The following SRP68 variants were observed in gnomAD, a reference collection of about 807,000 sequenced individuals.
SRP68 encodes the protein signal recognition particle 68.
In SRP68, 15 loss-of-function variants were observed where a neutral mutation model predicts 82.2. That is an observed-to-expected ratio of 0.18 (90% CI 0.12 to 0.28). The LOEUF is 0.28. SRP68 is among the 10% of genes least tolerant of loss of function. SRP68 has a pLI of 1.00. For missense variants in SRP68, 595 were observed against 780.5 expected, an observed-to-expected ratio of 0.76 and a Z score of 2.83; for synonymous variants, 261 against 292.6, an observed-to-expected ratio of 0.89 and a Z score of 1.10.
At position 76,060,338 on chromosome 17, in the gene SRP68, G is replaced by A. The variant is rs1394174345; in HGVS notation, c.807C>T (p.Gly269=). 1 of 1,609,824 alleles carries A rather than the reference G, an allele frequency of 6.2e-7. No homozygotes were observed. The highest frequency in any genetic ancestry group is 2.2e-5 in the East Asian group (1 of 44,758). ...ATTTTTCAGCCAAGAGACCCTCAGT[G>A]CCCCCAGACCTCAATCTCATCTGCA... The part of the protein sequence containing the change: ...ELMQMRLRSG[G]TEGLLAEKLE... The change falls in exon 7 of 16, where the codon GGC becomes GGT. Residue 269 remains glycine (G), a synonymous_variant. Transcript: ENST00000307877.
At chr17:76,061,046 G>A (rs905707880) in intron 6 of SRP68, 64 bp downstream of exon 6, 1 of 971,668 alleles carries the variant, frequency 1.0e-6, no homozygotes, top group Non-Finnish European at 1.6e-6. Context: ...TCTCTGAAGT[G>A]AGCTCCCAAT....
chr17:76,062,484 A>G (rs1424267134), intron 4 of SRP68, among the ~76,000 whole-genome samples: 2 of 116,496 alleles, frequency 1.7e-5, no homozygotes, highest in Non-Finnish European at 3.3e-5. Context: ...AAGAATATGG[A>G]GATATATATA....
rs377246784 is a variant in SRP68, at chr17:76,070,495, C to G, written c.185-51G>C. On this transcript the variant is annotated intron_variant, in intron 1 of 15. Coordinates refer to ENST00000307877, the MANE Select transcript of SRP68 (RefSeq NM_014230.4). ...TACCATAGCAAGAATCCAAACAAAT[C>G]AAAACCTGTACCATCAGTCTATATC... The G allele has an allele frequency of 2.7e-6, 4 of 1,459,294 alleles. No homozygotes were observed. In the Admixed American group the frequency reaches 5.0e-5, roughly 18 times the overall value. 90.4% of individuals were successfully genotyped at this position (1,459,294 alleles called of 1,614,324 possible).
In SRP68 at chr17:76,065,214, C is replaced by T. The variant is rs531065423; in HGVS notation, c.366-1043G>A. 1.2e-3 allele frequency among the ~76,000 whole-genome samples: 179 copies of T among 151,998 alleles called. 1 individual carries two copies. The highest frequency in any genetic ancestry group is 4.0e-3 in the African/African-American group (167 of 41,444). On this transcript the variant is annotated intron_variant, in intron 3 of 15. Coordinates refer to ENST00000307877, the MANE Select transcript of SRP68 (RefSeq NM_014230.4). ...TCTGTAATCCCAGTACACTGGGAGGCTGAGGTGGGAGGATCACTTGAGGCC... is the reference window on the plus strand; with the variant it reads ...TCTGTAATCCCAGTACACTGGGAGGTTGAGGTGGGAGGATCACTTGAGGCC...
At chr17:76,051,540 G>T (rs976720159) in intron 8 of SRP68, among the ~76,000 whole-genome samples, 3 of 151,914 alleles carry the variant, frequency 2.0e-5, no homozygotes, top group Non-Finnish European at 4.4e-5. Context: ...GGGGAACAGG[G>T]GCTTAAAGAA....
At chr17:76,064,228 C>T in intron 3 of SRP68, 57 bp from the exon 4 acceptor site, 2 of 1,496,418 alleles carry the variant, frequency 1.3e-6, no homozygotes, top group Non-Finnish European at 1.8e-6. Context: ...CCCAGATATT[C>T]TCTGAGGTGT....
At position 76,064,056 on chromosome 17, in the gene SRP68, T is replaced by C; in HGVS notation, c.481A>G (p.Lys161Glu). ...KRFHLLSRLR[K>E]AVKHAEELER... ...AATTCCTCTGCATGCTTCACGGCTTTGCGTAGGCGAGATAACAAGTGAAAC... is the reference window on the plus strand; with the variant it reads ...AATTCCTCTGCATGCTTCACGGCTTCGCGTAGGCGAGATAACAAGTGAAAC... The change falls in exon 4 of 16, where the codon AAA becomes GAA. Residue 161 changes from lysine (K) to glutamate (E), a missense_variant. Physicochemically the swap from Lys to Glu is moderately conservative, Grantham distance 56. Around this residue, in one of 2 missense-constraint regions of SRP68, gnomAD observed 495 missense variants for 688.6 expected, o/e 0.72. Transcript: ENST00000307877. The C allele has an allele frequency of 1.2e-6, 2 of 1,614,238 alleles. No individual in the cohort carries two copies. The highest frequency in any genetic ancestry group is 1.7e-6 in the Non-Finnish European group (2 of 1,180,044).
Position 76,039,090 on chromosome 17 carries a change from G to A in SRP68, c.*616C>T. On this transcript the variant is annotated 3_prime_UTR_variant, in exon 16 of 16. Transcript: ENST00000307877. ...ACTGGACATGAGGGAGGGCATATAAGAAATGGGCACAGTCTCCGTCATCTT... is the reference window on the plus strand; with the variant it reads ...ACTGGACATGAGGGAGGGCATATAAAAAATGGGCACAGTCTCCGTCATCTT... The A allele has an allele frequency of 3.2e-6, 1 of 314,464 alleles. No individual in the cohort carries two copies. The allele number at this position is 314,464 out of a possible 1,614,324, so 19.5% of individuals were successfully genotyped here.
At chr17:76,044,540 A>C (rs1598258264) in intron 12 of SRP68, among the ~76,000 whole-genome samples, 1 of 152,144 alleles carries the variant, frequency 6.6e-6, no homozygotes, top group African/African-American at 2.4e-5. Flanking sequence ...TCTGCCTTCC[A>C]TCCTGGCTGG....
At position 76,064,840 on chromosome 17, in the gene SRP68, C is replaced by CA. The variant is rs11329369; in HGVS notation, c.366-670dup. On this transcript the variant is annotated intron_variant, in intron 3 of 15. Transcript: ENST00000307877. The stretch of plus-strand genomic sequence containing the variant: ...TGGGCAACAGGGCAAGACTCCATCT[C>CA]AAAAAAAAAAAAAAAAAAAAGAGGC... Among the ~76,000 whole-genome samples the CA allele has an allele frequency of 9.0e-3, 750 of 83,328 alleles. 5 individuals carry two copies. The highest frequency in any genetic ancestry group is 0.012 in the Non-Finnish European group (499 of 41,384). 54.7% of individuals were successfully genotyped at this position (83,328 alleles called of 152,430 possible).
chr17:76,045,648 A>G (rs1218263754), intron 11 of SRP68, among the ~76,000 whole-genome samples: 3 of 152,144 alleles, frequency 2.0e-5, no homozygotes, highest in African/African-American at 7.2e-5. Context: ...TCTTAGCTGG[A>G]AGGGATCTGT....
chr17:76,046,169 T>A lies in SRP68; in HGVS notation c.1168A>T (p.Thr390Ser). The A allele has an allele frequency of 6.2e-7, 1 of 1,613,840 alleles. No homozygotes were observed. The highest frequency in any genetic ancestry group is 1.1e-5 in the South Asian group (1 of 91,074). The change falls in exon 11 of 16, where the codon ACG becomes TCG. Residue 390 changes from threonine to serine, a missense_variant. This residue lies in a region of SRP68 where 495 missense variants were observed against 688.6 expected (regional missense o/e 0.72). Transcript: ENST00000307877. Reference protein sequence around the residue: ...HSYLTYIKLSTAIKRNENMAK... With the variant: ...HSYLTYIKLSSAIKRNENMAK... ...ATGTTCTCATTACGCTTGATTGCCG[T>A]TGATAGCTTGATGTAAGTCAGGTAG...
In SRP68 at chr17:76,064,165, C is replaced by G; in HGVS notation, c.372G>C (p.Leu124Phe). ...TTTCAGCATCCATCAGAACCAGAAG[C>G]AAGTATCTAGACCAGAGACAGAAGT... ...TEELLTDNRYLLLVLMDAERA... is the reference protein window; with the variant it reads ...TEELLTDNRYFLLVLMDAERA... The change falls in exon 4 of 16, where the codon TTG becomes TTC. Residue 124 changes from leucine (L) to phenylalanine (F), a missense_variant. Transcript: ENST00000307877. 3 of 1,614,062 alleles carry G rather than the reference C, an allele frequency of 1.9e-6. No individual in the cohort carries two copies. The highest frequency in any genetic ancestry group is 2.5e-6 in the Non-Finnish European group (3 of 1,179,922).
intron 9 of SRP68, chr17:76,049,020 T>C (rs2066652340): frequency 6.6e-6 from 1 of 152,210 alleles, no homozygotes; most frequent in Non-Finnish European, 1.5e-5. Context: ...CTCAAGGCTT[T>C]GTGGCAGATG....
At position 76,072,483 on chromosome 17, in the gene SRP68, A is replaced by G. The variant is rs1167444904; in HGVS notation, c.9T>C (p.Ala3=). The G allele has an allele frequency of 3.2e-6, 5 of 1,583,108 alleles. No homozygotes were observed. In the African/African-American group the frequency reaches 4.1e-5, roughly 13 times the overall value. Residue 3 remains alanine (A), a synonymous_variant, in exon 1 of 16, where the codon GCT becomes GCC. Coordinates refer to ENST00000307877, the MANE Select transcript of SRP68 (RefSeq NM_014230.4). The surrounding 1 kb of genome is among the most constrained non-coding windows in gnomAD (Gnocchi z 4.5). The part of the protein sequence containing the change: MA[A]EKQVPGGGGG... ...CGCCGCCGCCTGGGACCTGCTTCTC[A>G]GCAGCCATCTTGCCCCTGCGCCGCA...
At chr17:76,040,063 C>A in intron 15 of SRP68, 130 bp from the exon 16 acceptor site, 1 of 895,542 alleles carries the variant, frequency 1.1e-6, no homozygotes. Context: ...ATCCCGACAG[C>A]CTCCTACGAG....
intron 15 of SRP68, 50 bp downstream of exon 15, chr17:76,040,369 T>A: frequency 6.4e-7 from 1 of 1,557,314 alleles, no homozygotes; most frequent in African/African-American, 1.4e-5. Flanking sequence ...CATTCCTAGT[T>A]TGTTACTAAT....
intron 3 of SRP68, 124 bp downstream of exon 3, chr17:76,067,093 G>T: frequency 1.3e-6 from 1 of 746,646 alleles, no homozygotes; most frequent in Non-Finnish European, 2.3e-6. Flanking sequence ...TTAGAACACA[G>T]GAATAGTAAA....
At chr17:76,052,117 G>A (rs984094409) in intron 8 of SRP68, among the ~76,000 whole-genome samples, 1 of 152,140 alleles carries the variant, frequency 6.6e-6, no homozygotes, top group African/African-American at 2.4e-5. Context: ...CTGACCTCAG[G>A]TGATCCACCT....
Sources: allele counts gnomAD v4.1 joint callset (sites outside exome capture counted in the v4.1 genomes callset), GRCh38; gene constraint gnomAD v4.1.1; regional missense constraint gnomAD v4.1.1; non-coding constraint Gnocchi (gnomAD v3.1); transcripts MANE v1.5; gene names NCBI Gene and HGNC (gene_info 2026-07-23, HGNC 2026-07-21).